DGKI: variants seen among roughly 807,000 people sequenced by gnomAD.
DGKI encodes the protein DAG kinase iota.
In DGKI, 55 loss-of-function variants were observed where a neutral mutation model predicts 147.5. That is an observed-to-expected ratio of 0.37 (90% CI 0.30 to 0.47). The LOEUF (loss-of-function observed/expected upper bound fraction) is 0.47, where lower values mean the gene tolerates loss of function less well. Among genes scored for constraint, DGKI ranks in the 20% least tolerant of loss-of-function variants. The probability of loss-of-function intolerance (pLI) is 1.00; values close to 1 mark genes in which losing one functional copy is unlikely to be tolerated. For synonymous variants in DGKI, 469 were observed against 477.1 expected, an observed-to-expected ratio of 0.98 and a Z score of 0.22; for missense variants, 1,007 against 1,323.8, an observed-to-expected ratio of 0.76 and a Z score of 3.71.
intron 14 of DGKI, 92 bp downstream of exon 14, chr7:137,585,117 A>T: frequency 1.4e-6 from 2 of 1,430,320 alleles, no homozygotes; most frequent in Non-Finnish European, 1.9e-6. Flanking sequence ...ATAGGAATTC[A>T]TCAGCACATG....
At chr7:137,758,694 TAATA>T (rs199669314) in intron 1 of DGKI, among the ~76,000 whole-genome samples, 1,699 of 151,434 alleles carry the variant, frequency 0.011, 36 homozygotes, top group African/African-American at 0.04. Flanking sequence ...TCAAAAATAA[TAATA>T]AATAAATAAA....
At chr7:137,839,971 G>A (rs1798497652) in intron 1 of DGKI, among the ~76,000 whole-genome samples, 1 of 152,152 alleles carries the variant, frequency 6.6e-6, no homozygotes, top group Non-Finnish European at 1.5e-5. Flanking sequence ...TGGAAGGAAA[G>A]AACATTAACA....
At chr7:137,393,152 T>G (rs1436763014) in intron 32 of DGKI, among the ~76,000 whole-genome samples, 1 of 152,138 alleles carries the variant, frequency 6.6e-6, no homozygotes, top group Non-Finnish European at 1.5e-5. Flanking sequence ...ATTTTTTGCT[T>G]TTTGGAGCAT....
At chr7:137,427,820 C>T (rs1812884259) in intron 28 of DGKI, among the ~76,000 whole-genome samples, 2 of 152,160 alleles carry the variant, frequency 1.3e-5, no homozygotes, top group Admixed American at 6.6e-5. Flanking sequence ...ACAAATTCCT[C>T]GACACATACA....
intron 6 of DGKI, among the ~76,000 whole-genome samples, chr7:137,635,215 C>T (rs1821268041): frequency 6.6e-6 from 1 of 152,066 alleles, no homozygotes; most frequent in Admixed American, 6.6e-5. Flanking sequence ...GTGATGGATG[C>T]TATATGTGGG....
rs747064774 is a variant in DGKI at position 137,521,894 on chromosome 7, G to A, written c.2220C>T (p.His740=). 3.1e-6 allele frequency: 5 copies of A among 1,611,978 alleles called. No homozygotes were observed. In the South Asian group the frequency reaches 5.5e-5, roughly 18 times the overall value. The change falls in exon 21 of 33, where the codon CAC becomes CAT. Residue 740 remains histidine (H), a synonymous_variant. Transcript: ENST00000614521. ...CTTCTCGGAGTTTCTCCTTGTCATA[G>A]TGGAATCCTTCATAGTCTTGTAAAC... ...KISLQDYEGF[H]YDKEKLREAS... is the part of the protein sequence containing the mutation.
At chr7:137,734,758 T>C (rs1794975297) in intron 1 of DGKI, among the ~76,000 whole-genome samples, 1 of 152,066 alleles carries the variant, frequency 6.6e-6, no homozygotes, top group Non-Finnish European at 1.5e-5. Flanking sequence ...CACTAAGCTT[T>C]AGGGCAATTT....
At chr7:137,646,451 A>G (rs1312515132) in intron 5 of DGKI, among the ~76,000 whole-genome samples, 1 of 152,204 alleles carries the variant, frequency 6.6e-6, no homozygotes, top group Non-Finnish European at 1.5e-5. Flanking sequence ...GGAAACACAG[A>G]AAGTCCTCTT....
intron 1 of DGKI, among the ~76,000 whole-genome samples, chr7:137,769,231 T>G (rs1200642686): frequency 6.6e-6 from 1 of 152,162 alleles, no homozygotes; most frequent in African/African-American, 2.4e-5. Context: ...GAACTCTGAC[T>G]GTGGCAGATC....
chr7:137,439,804 G>C (rs2128915230), intron 28 of DGKI, among the ~76,000 whole-genome samples: 1 of 152,320 alleles, frequency 6.6e-6, no homozygotes, highest in South Asian at 2.1e-4. Flanking sequence ...AGCTGCCCTA[G>C]AATGTGACGG....
Position 137,846,161 on chromosome 7 carries a change from T to TCTCTCTCTCTCTCACACA in DGKI, c.401+300_401+301insTGTGTGAGAGAGAGAGAG, listed in dbSNP as rs781580130. ...CTCTCTCTCTCTCTCTCTCTCTCTC[T>TCTCTCTCTCTCTCACACA]CACACACACACACACACACACACAC... On this transcript the variant is annotated intron_variant, in intron 1 of 32. Transcript: ENST00000614521. The surrounding 1 kb of genome is among the most constrained non-coding windows in gnomAD (Gnocchi z 4.0). Among the ~76,000 whole-genome samples the TCTCTCTCTCTCTCACACA allele has an allele frequency of 5.4e-4, 58 of 108,204 alleles. No individual in the cohort carries two copies. The highest frequency in any genetic ancestry group is 5.4e-3 in the Middle Eastern group (1 of 186). The allele number at this position is 108,204 out of a possible 152,430, so 71.0% of individuals were successfully genotyped here.
intron 8 of DGKI, among the ~76,000 whole-genome samples, chr7:137,619,443 T>G (rs1236998663): frequency 6.6e-6 from 1 of 152,170 alleles, no homozygotes; most frequent in Admixed American, 6.5e-5. Flanking sequence ...CCTGAACAGT[T>G]TGCCCTCACA....
At chr7:137,425,571 G>C (rs2128908427) in intron 28 of DGKI, among the ~76,000 whole-genome samples, 1 of 152,308 alleles carries the variant, frequency 6.6e-6, no homozygotes, top group South Asian at 2.1e-4. Flanking sequence ...CGAGTTGAGA[G>C]AAGAAGGCTT....
At chr7:137,429,431 A>G (rs200718847) in intron 28 of DGKI, among the ~76,000 whole-genome samples, 67,809 of 151,114 alleles carry the variant, frequency 0.45, 16,010 homozygotes, top group East Asian at 0.74. Flanking sequence ...TAAACGTTAG[A>G]CCTAAAACCA....
intron 3 of DGKI, among the ~76,000 whole-genome samples, chr7:137,677,721 TA>T (rs1254749902): frequency 3.9e-5 from 6 of 152,210 alleles, no homozygotes; most frequent in African/African-American, 1.4e-4. Context: ...AATAAACAAA[TA>T]TTTTTTTAAA....
intron 2 of DGKI, among the ~76,000 whole-genome samples, chr7:137,684,971 C>T (rs1025855053): frequency 7.2e-5 from 11 of 152,132 alleles, no homozygotes. Context: ...AGCCCTGCCT[C>T]CTTCTGGCTT....
intron 28 of DGKI, among the ~76,000 whole-genome samples, chr7:137,434,294 C>T (rs1411107961): frequency 6.6e-6 from 1 of 151,936 alleles, no homozygotes; most frequent in African/African-American, 2.4e-5. Context: ...AAGAGTATTC[C>T]CGCAGCTGGG....
intron 1 of DGKI, among the ~76,000 whole-genome samples, chr7:137,723,863 C>G (rs1794641740): frequency 6.6e-6 from 1 of 151,950 alleles, no homozygotes; most frequent in Admixed American, 6.5e-5. Flanking sequence ...GCACATATCA[C>G]CATATCCAGC....
At chr7:137,675,163 C>T (rs1822987063) in intron 3 of DGKI, among the ~76,000 whole-genome samples, 1 of 152,164 alleles carries the variant, frequency 6.6e-6, no homozygotes, top group Non-Finnish European at 1.5e-5. Flanking sequence ...GCCTGGAGAT[C>T]TCTGTGACCT....
Sources: gnomAD v4.1 joint callset for allele counts (sites outside exome capture counted in the v4.1 genomes callset) on GRCh38, gnomAD v4.1.1 for gene constraint, Gnocchi (gnomAD v3.1) non-coding constraint, MANE v1.5 for transcripts, NCBI Gene and HGNC (gene_info 2026-07-23, HGNC 2026-07-21) for gene names.